Variants in PPAT observed in about 807,000 individuals in gnomAD.
PPAT encodes the protein amidophosphoribosyltransferase.
Under a neutral mutation model 60.2 loss-of-function variants are expected in PPAT, and 20 were observed. That is an observed-to-expected ratio of 0.33 (90% CI 0.23 to 0.48). The LOEUF is 0.48. PPAT is among the 20% of genes least tolerant of loss of function. PPAT has a pLI of 0.99. For synonymous variants in PPAT, 194 were observed against 215.1 expected (o/e 0.90, Z 0.86); for missense variants, 349 against 629.6 (o/e 0.55, Z 4.77).
At chr4:56,402,889 T>G in intron 5 of PPAT, 151 bp downstream of exon 5, 2 of 586,824 alleles carry the variant, frequency 3.4e-6, no homozygotes, top group Non-Finnish European at 5.3e-6. Flanking sequence ...AGAAACGTAC[T>G]TTAAAAAGGA....
chr4:56,405,712 C>T (rs1374150931), intron 3 of PPAT, among the ~76,000 whole-genome samples: 3 of 152,246 alleles, frequency 2.0e-5, no homozygotes, highest in Admixed American at 1.3e-4. Flanking sequence ...GCTCCACACT[C>T]GTTCCCACAT....
At chr4:56,432,994 A>G (rs1481674220) in intron 1 of PPAT, among the ~76,000 whole-genome samples, 2 of 144,186 alleles carry the variant, frequency 1.4e-5, no homozygotes, top group African/African-American at 2.6e-5. Context: ...ACACACACGT[A>G]TTTTATATAT....
rs773463064 is a variant in PPAT at position 56,395,315 on chromosome 4, T to C, written c.*37A>G. The C allele has an allele frequency of 5.2e-6, 8 of 1,547,264 alleles. No homozygotes were observed. The South Asian group carries it at 8.3e-5, about 16-fold the overall frequency. On this transcript the variant is annotated 3_prime_UTR_variant, in exon 11 of 11. Coordinates refer to ENST00000264220, the MANE Select transcript of PPAT (RefSeq NM_002703.5). ...TGACCACTATAACTTCTTGACCAAC[T>C]TTCTATCTTGAAACTACACACATCC...
chr4:56,435,158 G>C (rs1014818400), intron 1 of PPAT, among the ~76,000 whole-genome samples, 192 bp downstream of exon 1: 1 of 152,222 alleles, frequency 6.6e-6, no homozygotes, highest in Non-Finnish European at 1.5e-5. Context: ...GGCAGGACAG[G>C]CTAAAGTTCA....
At chr4:56,415,044 A>G (rs1716652344) in intron 1 of PPAT, among the ~76,000 whole-genome samples, 1 of 152,210 alleles carries the variant, frequency 6.6e-6, no homozygotes, top group Non-Finnish European at 1.5e-5. Context: ...AAACCCTAAT[A>G]GAGTTTTTAA....
At chr4:56,420,808 G>C (rs186798842) in intron 1 of PPAT, 7 of 152,250 alleles carry the variant, frequency 4.6e-5, no homozygotes, top group Admixed American at 3.9e-4. Context: ...TGTCTTTAAA[G>C]TATATTTAAA....
chr4:56,401,270 T>C (rs958018427), intron 7 of PPAT, 60 bp downstream of exon 7: 62 of 1,445,852 alleles, frequency 4.3e-5, no homozygotes, highest in South Asian at 6.8e-5. Flanking sequence ...AGAATTGCCA[T>C]GTTTCAAGGA....
intron 1 of PPAT, chr4:56,419,933 T>A: frequency 1.0e-6 from 1 of 983,694 alleles, no homozygotes; most frequent in Non-Finnish European, 1.2e-6. Context: ...AATTTTTTAC[T>A]GAGTTGGATG....
chr4:56,412,083 T>C (rs1362164037), intron 1 of PPAT, among the ~76,000 whole-genome samples: 1 of 152,170 alleles, frequency 6.6e-6, no homozygotes, highest in Non-Finnish European at 1.5e-5. Context: ...GTAAATCACT[T>C]AGCTTCTGAA....
chr4:56,400,763 A>C (rs561154442), intron 8 of PPAT, 21 bp downstream of exon 8: 2 of 1,605,558 alleles, frequency 1.2e-6, no homozygotes, highest in Admixed American at 3.4e-5. Context: ...AATTCACTGC[A>C]TGTTAATTAA....
intron 9 of PPAT, among the ~76,000 whole-genome samples, chr4:56,397,511 G>A (rs1480364961): frequency 3.3e-5 from 5 of 152,102 alleles, no homozygotes; most frequent in African/African-American, 1.2e-4. Context: ...TCTACAGTGA[G>A]ATTTTATTTT....
At chr4:56,428,969 G>T in intron 1 of PPAT, 1 of 979,376 alleles carries the variant, frequency 1.0e-6, no homozygotes, top group Non-Finnish European at 1.2e-6. Flanking sequence ...CAAAAGCCAA[G>T]GAACTTTGAG....
chr4:56,422,909 T>C (rs1339609025), intron 1 of PPAT: 2 of 152,056 alleles, frequency 1.3e-5, no homozygotes, highest in Non-Finnish European at 2.9e-5. Flanking sequence ...TTGGGCCCCA[T>C]CCAGAATCAG....
chr4:56,416,432 GA>G, intron 1 of PPAT: 1 of 701,094 alleles, frequency 1.4e-6, no homozygotes, highest in Non-Finnish European at 1.8e-6. Flanking sequence ...CAGACCAATG[GA>G]ACTAGGTATA....
At chr4:56,410,379 T>G (rs1716385899) in intron 1 of PPAT, 1 of 208,256 alleles carries the variant, frequency 4.8e-6, no homozygotes, top group Non-Finnish European at 8.4e-6. Flanking sequence ...GTTTCTCAAG[T>G]TACTCCCTCA....
At chr4:56,400,726 G>C in intron 8 of PPAT, 58 bp downstream of exon 8, 1 of 1,498,802 alleles carries the variant, frequency 6.7e-7, no homozygotes, top group Non-Finnish European at 9.0e-7. Flanking sequence ...TATAGGCAAG[G>C]GTTTCTTATT....
chr4:56,397,239 C>A (rs1015336559), intron 9 of PPAT, among the ~76,000 whole-genome samples: 4 of 152,162 alleles, frequency 2.6e-5, no homozygotes, highest in Non-Finnish European at 5.9e-5. Context: ...TTTCATCACA[C>A]TGATATATCA....
intron 1 of PPAT, among the ~76,000 whole-genome samples, chr4:56,423,840 A>G (rs990676421): frequency 6.6e-6 from 1 of 152,208 alleles, no homozygotes; most frequent in African/African-American, 2.4e-5. Flanking sequence ...TACGTAAGAA[A>G]AAAACTTAAA....
chr4:56,405,107 A>G (rs1204691655), intron 3 of PPAT, among the ~76,000 whole-genome samples: 1 of 151,998 alleles, frequency 6.6e-6, no homozygotes, highest in Non-Finnish European at 1.5e-5. Context: ...AAAAAAAAAA[A>G]AAGAAAGATG....
Sources: allele counts gnomAD v4.1 joint callset (sites outside exome capture counted in the v4.1 genomes callset), GRCh38; gene constraint gnomAD v4.1.1; transcripts MANE v1.5; gene names NCBI Gene and HGNC (gene_info 2026-07-23, HGNC 2026-07-21).